The following IMMP2L variants were observed in gnomAD, a reference collection of about 807,000 sequenced individuals.
IMMP2L encodes mitochondrial inner membrane protease subunit 2.
Under a neutral mutation model 19.3 loss-of-function variants are expected in IMMP2L, and 18 were observed. That is an observed-to-expected ratio of 0.93 (90% CI 0.64 to 1.38). The LOEUF (loss-of-function observed/expected upper bound fraction) is 1.38, where lower values mean the gene tolerates loss of function less well. IMMP2L is among the 40% of genes most tolerant of loss of function. The pLI, the probability that IMMP2L is intolerant of heterozygous loss-of-function variation, is 0.00. For missense variants in IMMP2L, 233 were observed against 218.2 expected, an observed-to-expected ratio of 1.07 and a Z score of -0.43; for synonymous variants, 76 against 73.0, an observed-to-expected ratio of 1.04 and a Z score of -0.21.
At chr7:111,536,320 T>C (rs1847885463) in intron 1 of IMMP2L, among the ~76,000 whole-genome samples, 1 of 152,034 alleles carries the variant, frequency 6.6e-6, no homozygotes, top group Non-Finnish European at 1.5e-5. Context: ...TTTTTGGGGT[T>C]TTTTTGAAAC....
At chr7:111,137,740 G>C (rs780251191) in intron 3 of IMMP2L, among the ~76,000 whole-genome samples, 1 of 152,156 alleles carries the variant, frequency 6.6e-6, no homozygotes, top group Non-Finnish European at 1.5e-5. Context: ...GGATTTTTAT[G>C]AGAACTTTAA....
intron 3 of IMMP2L, among the ~76,000 whole-genome samples, chr7:110,997,858 A>AT (rs1251833663): frequency 6.6e-6 from 1 of 152,130 alleles, no homozygotes; most frequent in Non-Finnish European, 1.5e-5. Context: ...AATTCAGGAA[A>AT]TAAAAAATAT....
chr7:110,715,830 A>T (rs1795200963), intron 5 of IMMP2L, among the ~76,000 whole-genome samples: 1 of 152,096 alleles, frequency 6.6e-6, no homozygotes, highest in Non-Finnish European at 1.5e-5. Context: ...ACCTAACCTC[A>T]ATGATCTGTC....
chr7:110,723,148 A>C (rs1202826330), intron 5 of IMMP2L, among the ~76,000 whole-genome samples: 1 of 152,212 alleles, frequency 6.6e-6, no homozygotes, highest in East Asian at 1.9e-4. Flanking sequence ...ATGGCCATCA[A>C]GCTATAGTCT....
intron 3 of IMMP2L, among the ~76,000 whole-genome samples, chr7:111,016,788 CTATATAA>C (rs1295960567): frequency 3.1e-4 from 22 of 70,880 alleles, no homozygotes; most frequent in South Asian, 8.6e-4. Flanking sequence ...ATAATATATA[CTATATAA>C]TATATAATAT....
intron 3 of IMMP2L, among the ~76,000 whole-genome samples, chr7:111,003,997 A>T (rs759519929): frequency 5.9e-5 from 9 of 152,220 alleles, no homozygotes; most frequent in Non-Finnish European, 1.2e-4. Flanking sequence ...GAAAGCAATG[A>T]ATCATTGCCA....
chr7:110,713,128 T>C (rs1795006124), intron 5 of IMMP2L, among the ~76,000 whole-genome samples: 1 of 151,774 alleles, frequency 6.6e-6, no homozygotes, highest in Non-Finnish European at 1.5e-5. Context: ...TTTGCATATG[T>C]CTAGCCAGTT....
intron 5 of IMMP2L, among the ~76,000 whole-genome samples, chr7:110,860,729 A>G (rs1034283903): frequency 1.3e-5 from 2 of 152,132 alleles, no homozygotes; most frequent in African/African-American, 4.8e-5. Context: ...TACATCTGTC[A>G]TCAACAGCTC....
chr7:111,174,964 C>A (rs1461770089), intron 3 of IMMP2L, among the ~76,000 whole-genome samples: 1 of 151,736 alleles, frequency 6.6e-6, no homozygotes, highest in Admixed American at 6.6e-5. Flanking sequence ...ACAATATGCA[C>A]TTAATAATTT....
At chr7:111,341,306 T>C (rs907039084) in intron 3 of IMMP2L, among the ~76,000 whole-genome samples, 1 of 152,106 alleles carries the variant, frequency 6.6e-6, no homozygotes, top group Non-Finnish European at 1.5e-5. Context: ...ATATTTACTA[T>C]GAGCCACTGT....
intron 3 of IMMP2L, among the ~76,000 whole-genome samples, chr7:111,380,976 G>C (rs1291582435): frequency 1.3e-5 from 2 of 151,912 alleles, no homozygotes; most frequent in African/African-American, 4.8e-5. Flanking sequence ...CATGTTTCCA[G>C]AATGAGAGTG....
chr7:111,271,336 A>T (rs1818448802), intron 3 of IMMP2L, among the ~76,000 whole-genome samples: 1 of 152,144 alleles, frequency 6.6e-6, no homozygotes, highest in African/African-American at 2.4e-5. Context: ...TACTGTGAGA[A>T]TGGATTAATA....
chr7:110,982,657 G>A (rs968804400), intron 3 of IMMP2L, among the ~76,000 whole-genome samples: 4 of 152,024 alleles, frequency 2.6e-5, no homozygotes, highest in African/African-American at 9.7e-5. Context: ...AGTATACTTC[G>A]TGACCACTAA....
chr7:110,746,504 A>C lies in IMMP2L; in HGVS notation c.409-82783T>G, dbSNP rs575994537. Among the ~76,000 whole-genome samples, 4 of 152,356 alleles carry C rather than the reference A, an allele frequency of 2.6e-5. 1 individual carries two copies. In the East Asian group the frequency reaches 7.7e-4, roughly 29 times the overall value. On this transcript the variant is annotated intron_variant, in intron 5 of 5. Transcript: ENST00000405709. Reference sequence around the variant, plus strand: ...ATTCTAAAATTTACCGCATAATTGGAAGTAAAACATGCCACAGCAAATGCA... The same window carrying C: ...ATTCTAAAATTTACCGCATAATTGGCAGTAAAACATGCCACAGCAAATGCA...
chr7:111,292,034 T>G (rs1821167725), intron 3 of IMMP2L, among the ~76,000 whole-genome samples: 1 of 152,168 alleles, frequency 6.6e-6, no homozygotes, highest in African/African-American at 2.4e-5. Flanking sequence ...AAAGAACAGC[T>G]GCTCATCATC....
At chr7:111,521,095 C>T (rs1345934217) in intron 2 of IMMP2L, among the ~76,000 whole-genome samples, 1 of 152,048 alleles carries the variant, frequency 6.6e-6, no homozygotes, top group African/African-American at 2.4e-5. Flanking sequence ...ACTACAGACC[C>T]AGAGAACTGA....
intron 3 of IMMP2L, among the ~76,000 whole-genome samples, chr7:111,132,271 TC>T (rs1365294455): frequency 3.3e-5 from 5 of 152,024 alleles, no homozygotes; most frequent in Non-Finnish European, 7.4e-5. Context: ...AAAGAATTTT[TC>T]TGCAATTATT....
intron 3 of IMMP2L, among the ~76,000 whole-genome samples, chr7:111,359,068 T>C (rs542844175): frequency 6.6e-6 from 1 of 152,152 alleles, no homozygotes; most frequent in South Asian, 2.1e-4. Flanking sequence ...TGTTGGCACA[T>C]CACCTAGCTC....
intron 3 of IMMP2L, among the ~76,000 whole-genome samples, chr7:111,229,857 G>A (rs1235587979): frequency 6.6e-6 from 1 of 151,910 alleles, no homozygotes; most frequent in East Asian, 1.9e-4. Context: ...ATGTTACATT[G>A]GAGAAATGCT....
Sources: gnomAD v4.1 joint callset for allele counts (sites outside exome capture counted in the v4.1 genomes callset) on GRCh38, gnomAD v4.1.1 for gene constraint, MANE v1.5 for transcripts, NCBI Gene and HGNC (gene_info 2026-07-23, HGNC 2026-07-21) for gene names.